ANKFN1: variants seen among roughly 807,000 people sequenced by gnomAD.
ANKFN1 encodes the protein ankyrin repeat and fibronectin type III domain containing 1, also known as ankyrin repeat and fibronectin type-III domain-containing protein 1.
A neutral mutation model predicts 108.7 loss-of-function variants in ANKFN1; 74 were observed. That is an observed-to-expected ratio of 0.68 (90% confidence interval 0.56 to 0.83). The LOEUF (loss-of-function observed/expected upper bound fraction) is 0.83. ANKFN1 is among the 40% of genes least tolerant of loss of function. The pLI, the probability that ANKFN1 is intolerant of heterozygous loss-of-function variation, is 0.00. For missense variants in ANKFN1, 1,505 were observed against 1,382.3 expected, an observed-to-expected ratio of 1.09 and a Z score of -1.41; for synonymous variants, 547 against 516.2, an observed-to-expected ratio of 1.06 and a Z score of -0.81.
chr17:56,249,808 A>G (rs1338017357), intron 3 of ANKFN1, among the ~76,000 whole-genome samples: 1 of 152,118 alleles, frequency 6.6e-6, no homozygotes, highest in East Asian at 1.9e-4. Flanking sequence ...GGTTTTTTGT[A>G]AGGAGGTAAA....
chr17:56,234,595 A>G (rs1916972981), intron 3 of ANKFN1, among the ~76,000 whole-genome samples: 1 of 152,160 alleles, frequency 6.6e-6, no homozygotes, highest in Non-Finnish European at 1.5e-5. Flanking sequence ...AAGTGAGAAC[A>G]TGCAGTATTT....
chr17:56,342,317 T>C (rs1450081240), intron 4 of ANKFN1, among the ~76,000 whole-genome samples: 3 of 151,962 alleles, frequency 2.0e-5, no homozygotes, highest in African/African-American at 7.2e-5. Context: ...AGCTCTGATT[T>C]TGGTTATTTC....
chr17:56,502,745 C>A (rs2051415063), intron 20 of ANKFN1, among the ~76,000 whole-genome samples: 2 of 152,190 alleles, frequency 1.3e-5, no homozygotes, highest in Admixed American at 1.3e-4. Context: ...CAGCATAATT[C>A]CATTCTGTGT....
chr17:56,064,866 G>A (rs1905035776), intron 4 of ANKFN1, among the ~76,000 whole-genome samples: 1 of 152,140 alleles, frequency 6.6e-6, no homozygotes, highest in Admixed American at 6.5e-5. Context: ...ATTCACGAAT[G>A]GGATCTTCCA....
chr17:56,208,242 A>G (rs1914688175), intron 1 of ANKFN1, among the ~76,000 whole-genome samples: 1 of 152,098 alleles, frequency 6.6e-6, no homozygotes, highest in East Asian at 1.9e-4. Context: ...GCTGGTCTTA[A>G]ACTCCTGACC....
intron 8 of ANKFN1, among the ~76,000 whole-genome samples, chr17:56,431,761 G>A (rs1490013144): frequency 3.9e-5 from 6 of 152,222 alleles, no homozygotes; most frequent in Non-Finnish European, 7.3e-5. Flanking sequence ...AAGTTGAACT[G>A]TTTTTGCTTT....
chr17:56,217,268 C>A (rs1293942383), intron 2 of ANKFN1, among the ~76,000 whole-genome samples: 1 of 152,162 alleles, frequency 6.6e-6, no homozygotes, highest in African/African-American at 2.4e-5. Flanking sequence ...AATTTCATCC[C>A]TCTCACTGTC....
intron 4 of ANKFN1, among the ~76,000 whole-genome samples, chr17:56,134,639 A>G (rs1016694715): frequency 6.6e-6 from 1 of 152,216 alleles, no homozygotes; most frequent in African/African-American, 2.4e-5. Context: ...TAGCAGCTCT[A>G]TGCCAGAAAC....
In ANKFN1 at chr17:56,282,309, T is replaced by C. The variant is rs949913559; in HGVS notation, c.54-43912T>C. ...GTGTGTGTTTGTGTGTGTGTGTGTG[T>C]GTGTGTTGGAGGGAAGAGGGTGTGC... On this transcript the variant is annotated intron_variant, in intron 3 of 20. Transcript: ENST00000682825. Among the ~76,000 whole-genome samples the C allele has an allele frequency of 2.6e-5, 4 of 152,068 alleles. No individual in the cohort carries two copies. In the South Asian group the frequency reaches 6.2e-4, roughly 24 times the overall value.
At chr17:56,287,722 C>T (rs765341804) in intron 3 of ANKFN1, among the ~76,000 whole-genome samples, 1 of 152,160 alleles carries the variant, frequency 6.6e-6, no homozygotes, top group Admixed American at 6.5e-5. Context: ...TGTTCTTTTT[C>T]ATAAGTTTGT....
intron 3 of ANKFN1, among the ~76,000 whole-genome samples, chr17:56,236,627 G>A (rs906469084): frequency 9.2e-5 from 14 of 152,182 alleles, no homozygotes; most frequent in African/African-American, 3.1e-4. Context: ...GGAATCAGGT[G>A]GTCTGCAAAC....
At chr17:56,456,997 T>C (rs763079749) in intron 12 of ANKFN1, 37 bp downstream of exon 12, 1 of 1,572,390 alleles carries the variant, frequency 6.4e-7, no homozygotes, top group Non-Finnish European at 8.7e-7. Context: ...AATCTTAACT[T>C]TTCAAGAATG....
At chr17:56,171,804 T>C (rs1910717518) in intron 1 of ANKFN1, among the ~76,000 whole-genome samples, 1 of 152,054 alleles carries the variant, frequency 6.6e-6, no homozygotes, top group Admixed American at 6.5e-5. Flanking sequence ...AAACAAGTGA[T>C]TGCAATGCAA....
chr17:56,200,600 G>A (rs548844598), intron 1 of ANKFN1, among the ~76,000 whole-genome samples: 3 of 152,180 alleles, frequency 2.0e-5, no homozygotes, highest in Non-Finnish European at 4.4e-5. Flanking sequence ...CTTGCCCTTC[G>A]GAGTGGCCCC....
In ANKFN1 at chr17:56,510,815, T is replaced by A; in HGVS notation, c.2987T>A (p.Phe996Tyr). 6.5e-7 allele frequency: 1 copy of A among 1,536,020 alleles called. No individual in the cohort carries two copies. Among genetic ancestry groups the A allele is most frequent in the Non-Finnish European group, 8.7e-7 (1 of 1,146,850 alleles). Residue 996 changes from phenylalanine (F) to tyrosine (Y), a missense_variant, in exon 21 of 21, where the codon TTC (phenylalanine) becomes TAC (tyrosine). Coordinates refer to ENST00000682825, the MANE Select transcript of ANKFN1 (RefSeq NM_001370326.1). ...TVSGGRPPLG[F>Y]LGKRKPGKHP... ...TCCGGTGGGCGGCCCCCGCTAGGCT[T>A]CCTGGGAAAGCGGAAGCCAGGCAAG...
At chr17:56,105,701 G>T (rs187336680) in intron 4 of ANKFN1, among the ~76,000 whole-genome samples, 1,283 of 120,462 alleles carry the variant, frequency 0.011, 22 homozygotes, top group Admixed American at 0.049. Flanking sequence ...AGTTTTGGGG[G>T]TTTTTTTGTC....
At chr17:56,205,197 A>G (rs1252157440) in intron 1 of ANKFN1, among the ~76,000 whole-genome samples, 1 of 152,234 alleles carries the variant, frequency 6.6e-6, no homozygotes, top group Non-Finnish European at 1.5e-5. Context: ...TGATTTCAGG[A>G]CTGAATGAAG....
chr17:56,157,309 T>G (rs1268704958), intron 1 of ANKFN1, among the ~76,000 whole-genome samples: 2 of 152,150 alleles, frequency 1.3e-5, no homozygotes, highest in Non-Finnish European at 2.9e-5. Flanking sequence ...TGTAGAGGGC[T>G]CAGGAAATGA....
At chr17:56,472,144 A>G (rs532698066) in intron 15 of ANKFN1, 2 of 152,360 alleles carry the variant, frequency 1.3e-5, no homozygotes, top group South Asian at 2.1e-4. Flanking sequence ...AGCCTCAGCT[A>G]ATTACAGTGG....
Sources: gnomAD v4.1 joint callset for allele counts (sites outside exome capture counted in the v4.1 genomes callset) on GRCh38, gnomAD v4.1.1 for gene constraint, MANE v1.5 for transcripts, NCBI Gene and HGNC (gene_info 2026-07-23, HGNC 2026-07-21) for gene names.